The following LHCGR variants were observed in gnomAD, a reference collection of about 807,000 sequenced individuals.
The protein encoded by LHCGR is lutropin-choriogonadotropic hormone receptor.
In LHCGR, 55 loss-of-function variants were observed where a neutral mutation model predicts 60.7. The ratio of observed to expected loss-of-function variants is 0.91; its 90% CI spans 0.73 to 1.13. The LOEUF is 1.13. Ranked by LOEUF, LHCGR falls within the 50% of genes most tolerant of loss-of-function variation. LHCGR has a pLI of 0.00. For missense variants in LHCGR, 862 were observed against 836.0 expected (o/e 1.03, Z -0.38); for synonymous variants, 337 against 316.5 (o/e 1.06, Z -0.69).
At chr2:48,749,369 T>A (rs1307878437) in intron 1 of LHCGR, among the ~76,000 whole-genome samples, 1 of 152,186 alleles carries the variant, frequency 6.6e-6, no homozygotes, top group African/African-American at 2.4e-5. Flanking sequence ...GGTGGGAATT[T>A]GCTAAAATCT....
intron 6 of LHCGR, among the ~76,000 whole-genome samples, 159 bp from the exon 7 acceptor site, chr2:48,714,213 T>C (rs1668129729): frequency 6.6e-6 from 1 of 152,226 alleles, no homozygotes; most frequent in Admixed American, 6.5e-5. Flanking sequence ...ATTAAGTGTC[T>C]ATTAAGTGCT....
chr2:48,712,821 G>A (rs186951492), intron 7 of LHCGR, among the ~76,000 whole-genome samples: 8 of 152,070 alleles, frequency 5.3e-5, no homozygotes, highest in Non-Finnish European at 1.0e-4. Context: ...GGCTTAGATC[G>A]GTTAAGTAAC....
intron 9 of LHCGR, 60 bp from the exon 10 acceptor site, chr2:48,694,364 T>A: frequency 1.0e-6 from 1 of 985,882 alleles, no homozygotes; most frequent in Non-Finnish European, 1.6e-6. Flanking sequence ...TAAACCTGAC[T>A]GTGCGTCTAT....
intron 8 of LHCGR, 74 bp downstream of exon 8, chr2:48,708,874 A>G: frequency 1.8e-6 from 2 of 1,103,658 alleles, no homozygotes; most frequent in Non-Finnish European, 1.4e-6. Context: ...CTTGGGGATG[A>G]TGTGGAGGGA....
intron 2 of LHCGR, among the ~76,000 whole-genome samples, chr2:48,729,994 C>T (rs770028484): frequency 4.6e-5 from 7 of 152,104 alleles, no homozygotes; most frequent in African/African-American, 1.2e-4. Flanking sequence ...ATATATGATT[C>T]GCAAGCATGT....
intron 1 of LHCGR, 72 bp from the exon 2 acceptor site, chr2:48,731,370 T>A: frequency 3.9e-6 from 4 of 1,023,580 alleles, no homozygotes. Context: ...ATGAATAAAA[T>A]GGGTATGTGT....
chr2:48,748,643 C>T (rs947105878), intron 1 of LHCGR, among the ~76,000 whole-genome samples: 5 of 152,216 alleles, frequency 3.3e-5, no homozygotes, highest in African/African-American at 1.2e-4. Context: ...ACTGTTCAAC[C>T]TCACATATGG....
chr2:48,723,504 G>A lies in LHCGR; in HGVS notation c.488C>T (p.Thr163Ile), dbSNP rs768428650. The A allele has an allele frequency of 3.1e-6, 5 of 1,612,700 alleles. No homozygotes were observed. In the South Asian group the frequency reaches 4.4e-5, roughly 14 times the overall value. The change falls in exon 6 of 11, where the codon ACC becomes ATC. Residue 163 changes from threonine to isoleucine, a missense_variant. Coordinates refer to ENST00000294954, the MANE Select transcript of LHCGR (RefSeq NM_000233.4). ...LEICDNLHIT[T>I]IPGNAFQGMN... ...CCCTTGAAAAGCATTTCCTGGTATGGTGGTTATGTGTAAGTTATCACAAAT... is the reference window on the plus strand; with the variant it reads ...CCCTTGAAAAGCATTTCCTGGTATGATGGTTATGTGTAAGTTATCACAAAT...
chr2:48,690,656 T>G (rs1680187191), intron 10 of LHCGR, among the ~76,000 whole-genome samples: 1 of 152,224 alleles, frequency 6.6e-6, no homozygotes. Context: ...CTTCTTTTCC[T>G]CATCTCTCTG....
At chr2:48,698,303 T>C (rs1303537225) in intron 9 of LHCGR, among the ~76,000 whole-genome samples, 1 of 152,226 alleles carries the variant, frequency 6.6e-6, no homozygotes, top group Non-Finnish European at 1.5e-5. Flanking sequence ...TGATAAGGAT[T>C]AGAACAAATC....
At chr2:48,741,448 C>G (rs1206335513) in intron 1 of LHCGR, among the ~76,000 whole-genome samples, 2 of 123,542 alleles carry the variant, frequency 1.6e-5, no homozygotes, top group African/African-American at 2.8e-5. Flanking sequence ...AGAGAAAGGT[C>G]AGGTTACCCT....
rs1418680155 is a variant in LHCGR, at chr2:48,751,083, G to C, written c.161+4428C>G. 2.0e-5 allele frequency among the ~76,000 whole-genome samples: 3 copies of C among 152,328 alleles called. No homozygotes were observed. In the East Asian group the frequency reaches 5.8e-4, roughly 29 times the overall value. On this transcript the variant is annotated intron_variant, in intron 1 of 10. Transcript: ENST00000294954. ...ATATGTAAGCCCAGGATATTGAAGT[G>C]AGTATGTGGATGGGGAAGATGGAGG...
chr2:48,696,998 A>T (rs1391027441), intron 9 of LHCGR, among the ~76,000 whole-genome samples: 1 of 152,158 alleles, frequency 6.6e-6, no homozygotes, highest in Non-Finnish European at 1.5e-5. Context: ...TTATAAAAGC[A>T]AATTTGAGTC....
intron 6 of LHCGR, among the ~76,000 whole-genome samples, chr2:48,719,747 G>C (rs1045140806): frequency 6.6e-6 from 1 of 152,142 alleles, no homozygotes; most frequent in Non-Finnish European, 1.5e-5. Context: ...TAAAGATTTG[G>C]GTAGGGGGAG....
At chr2:48,715,264 C>T (rs901114982) in intron 6 of LHCGR, among the ~76,000 whole-genome samples, 4 of 152,252 alleles carry the variant, frequency 2.6e-5, no homozygotes, top group Middle Eastern at 3.4e-3. Flanking sequence ...TAGAACAGTG[C>T]GTGGCACCTG....
intron 10 of LHCGR, among the ~76,000 whole-genome samples, chr2:48,691,953 T>C (rs1666869471): frequency 6.6e-6 from 1 of 152,302 alleles, no homozygotes; most frequent in African/African-American, 2.4e-5. Context: ...CCAAGGTCTC[T>C]TGGGGATAGT....
At chr2:48,725,842 GA>G in intron 3 of LHCGR, 92 bp from the exon 4 acceptor site, 1 of 1,018,314 alleles carries the variant, frequency 9.8e-7, no homozygotes, top group African/African-American at 1.6e-5. Context: ...GTTGCTGGCT[GA>G]AAATGGCATC....
At chr2:48,712,913 C>A (rs901278190) in intron 7 of LHCGR, among the ~76,000 whole-genome samples, 1 of 152,092 alleles carries the variant, frequency 6.6e-6, no homozygotes, top group Non-Finnish European at 1.5e-5. Flanking sequence ...TTTTAGCCAC[C>A]AAACGATATA....
At chr2:48,741,145 AG>A (rs1669432895) in intron 1 of LHCGR, among the ~76,000 whole-genome samples, 1 of 152,126 alleles carries the variant, frequency 6.6e-6, no homozygotes, top group Non-Finnish European at 1.5e-5. Context: ...TAGAGAAAAA[AG>A]AATAAAAAGA....
Sources: allele counts gnomAD v4.1 joint callset (sites outside exome capture counted in the v4.1 genomes callset), GRCh38; gene constraint gnomAD v4.1.1; transcripts MANE v1.5; gene names NCBI Gene and HGNC (gene_info 2026-07-23, HGNC 2026-07-21).